Variants in TRDN observed in about 807,000 individuals in gnomAD.
The protein encoded by TRDN is triadin in skeletal muscle.
A neutral mutation model predicts 149.7 loss-of-function variants in TRDN; 161 were observed. That is an observed-to-expected ratio of 1.08 (90% CI 0.95 to 1.23). The LOEUF is 1.23. Ranked by LOEUF, TRDN falls within the 50% of genes most tolerant of loss-of-function variation. The pLI, the probability that TRDN is intolerant of heterozygous loss-of-function variation, is 0.00. For synonymous variants in TRDN, 294 were observed against 250.5 expected (o/e 1.17, Z -1.64); for missense variants, 896 against 823.5 (o/e 1.09, Z -1.08).
intron 29 of TRDN, 84 bp downstream of exon 29, chr6:123,272,880 T>C: frequency 9.9e-7 from 1 of 1,005,944 alleles, no homozygotes; most frequent in Non-Finnish European, 1.5e-6. Flanking sequence ...CAAATAACTT[T>C]AGACTTGACT....
chr6:123,541,317 T>C (rs1042032895), intron 4 of TRDN, among the ~76,000 whole-genome samples: 2 of 152,186 alleles, frequency 1.3e-5, no homozygotes, highest in African/African-American at 4.8e-5. Flanking sequence ...CCACCATTAT[T>C]TGTTTCATCC....
At chr6:123,631,116 CTT>C (rs200458146) in intron 1 of TRDN, among the ~76,000 whole-genome samples, 3 of 141,452 alleles carry the variant, frequency 2.1e-5, no homozygotes, top group South Asian at 2.3e-4. Context: ...TCACAATCTG[CTT>C]TTTTTTTTTT....
intron 40 of TRDN, among the ~76,000 whole-genome samples, chr6:123,219,649 A>G (rs1775074713): frequency 6.6e-6 from 1 of 151,858 alleles, no homozygotes; most frequent in African/African-American, 2.4e-5. Flanking sequence ...TTCCATTTCC[A>G]TGGGTCACTG....
At position 123,572,514 on chromosome 6, in the gene TRDN, T is replaced by C. The variant is rs115383234; in HGVS notation, c.23-1382A>G. Among the ~76,000 whole-genome samples the C allele has an allele frequency of 2.9e-3, 435 of 152,246 alleles. 3 individuals carry two copies. The highest frequency in any genetic ancestry group is 0.01 in the African/African-American group (424 of 41,582). On this transcript the variant is annotated intron_variant, in intron 1 of 40. Transcript: ENST00000334268. The stretch of plus-strand genomic sequence containing the variant: ...TACACTTGACTCGTAGAAAGTTAAA[T>C]CTAGAAGTAACTGAGAGATCATCTG...
intron 24 of TRDN, among the ~76,000 whole-genome samples, chr6:123,283,376 A>C (rs1246225269): frequency 6.6e-6 from 1 of 151,914 alleles, no homozygotes; most frequent in Non-Finnish European, 1.5e-5. Context: ...AAAAGAGCAC[A>C]AATAGACAAT....
chr6:123,280,036 T>C (rs1777525675), intron 24 of TRDN, among the ~76,000 whole-genome samples: 2 of 152,134 alleles, frequency 1.3e-5, no homozygotes, highest in South Asian at 4.1e-4. Context: ...ACAAATGAGA[T>C]GTACCCTGTG....
chr6:123,446,121 T>C (rs1220117427), intron 10 of TRDN, among the ~76,000 whole-genome samples: 1 of 150,888 alleles, frequency 6.6e-6, no homozygotes, highest in Non-Finnish European at 1.5e-5. Context: ...TCATTCTCAG[T>C]AAACTATCAC....
At chr6:123,284,090 C>A (rs1319665212) in intron 24 of TRDN, among the ~76,000 whole-genome samples, 6 of 134,830 alleles carry the variant, frequency 4.5e-5, no homozygotes, top group African/African-American at 8.3e-5. Context: ...TTGCCCCCCC[C>A]CCAAAAATTG....
Position 123,438,981 on chromosome 6 carries a change from C to T in TRDN, c.954G>A (p.Lys318=). 1 of 1,560,756 alleles carries T rather than the reference C, an allele frequency of 6.4e-7. No homozygotes were observed. Among genetic ancestry groups the T allele is most frequent in the Non-Finnish European group, 8.7e-7 (1 of 1,151,258 alleles). ...ALEEKEGEKK[K]AEKKVTSETK... ...TTTCAGAAGTAACTTTCTTCTCAGC[C>T]TTCTTCTTTTCCCCTTCTTTTTCTA... Residue 318 remains lysine (K), a synonymous_variant, in exon 11 of 41, where the codon AAG becomes AAA. Coordinates refer to ENST00000334268, the MANE Select transcript of TRDN (RefSeq NM_006073.4).
chr6:123,532,345 C>T (rs1379505450), intron 4 of TRDN, among the ~76,000 whole-genome samples: 2 of 151,972 alleles, frequency 1.3e-5, no homozygotes. Context: ...GAATACTAAC[C>T]TAGAGTCGCT....
intron 8 of TRDN, chr6:123,498,763 T>A: frequency 2.7e-6 from 1 of 367,214 alleles, no homozygotes; most frequent in Non-Finnish European, 5.6e-6. Context: ...CAAAGCAAGA[T>A]GAAAAAGTAC....
At chr6:123,533,829 A>G (rs1042773442) in intron 4 of TRDN, among the ~76,000 whole-genome samples, 4 of 152,096 alleles carry the variant, frequency 2.6e-5, no homozygotes, top group African/African-American at 9.7e-5. Context: ...AAGTACTTGC[A>G]TGTTGGATAT....
chr6:123,449,609 G>A (rs1031908820), intron 10 of TRDN, among the ~76,000 whole-genome samples: 5 of 151,984 alleles, frequency 3.3e-5, no homozygotes, highest in African/African-American at 1.2e-4. Flanking sequence ...GTTTTCCTGA[G>A]GAATAAGAGA....
intron 38 of TRDN, among the ~76,000 whole-genome samples, chr6:123,225,928 CTTAT>C (rs1775341715): frequency 6.6e-6 from 1 of 151,604 alleles, no homozygotes; most frequent in Non-Finnish European, 1.5e-5. Flanking sequence ...TCAGTTTTGT[CTTAT>C]TTATTTAGAT....
intron 38 of TRDN, among the ~76,000 whole-genome samples, chr6:123,238,874 C>T (rs192189336): frequency 1.3e-5 from 2 of 152,162 alleles, no homozygotes; most frequent in African/African-American, 4.8e-5. Flanking sequence ...CGGAGTCTCA[C>T]TCTTTGGCCA....
At chr6:123,384,358 T>C (rs570971896) in intron 14 of TRDN, among the ~76,000 whole-genome samples, 1 of 152,230 alleles carries the variant, frequency 6.6e-6, no homozygotes, top group South Asian at 2.1e-4. Flanking sequence ...AGTTCTGTGT[T>C]CCTCACTGAA....
intron 5 of TRDN, among the ~76,000 whole-genome samples, chr6:123,521,516 A>G (rs1330943306): frequency 1.3e-5 from 2 of 152,154 alleles, no homozygotes; most frequent in African/African-American, 4.8e-5. Flanking sequence ...TCCAGAGGCC[A>G]GGAGAGAGGC....
intron 38 of TRDN, among the ~76,000 whole-genome samples, chr6:123,232,230 T>C (rs1451682912): frequency 1.3e-5 from 2 of 151,708 alleles, no homozygotes; most frequent in South Asian, 4.1e-4. Context: ...TCCTATATTA[T>C]GAAAGCCAAG....
chr6:123,498,458 G>A (rs760494028), intron 8 of TRDN: 2 of 437,468 alleles, frequency 4.6e-6, no homozygotes, highest in South Asian at 3.5e-5. Flanking sequence ...CCTAAATAAG[G>A]GCAGGCCAAA....
Sources: allele counts gnomAD v4.1 joint callset (sites outside exome capture counted in the v4.1 genomes callset), GRCh38; gene constraint gnomAD v4.1.1; transcripts MANE v1.5; gene names NCBI Gene and HGNC (gene_info 2026-07-23, HGNC 2026-07-21).